The following CHST11 variants were observed in gnomAD, a reference collection of about 807,000 sequenced individuals.
CHST11 encodes the protein carbohydrate sulfotransferase 11.
Under a neutral mutation model 30.4 loss-of-function variants are expected in CHST11, and 9 were observed. That is an observed-to-expected ratio of 0.30 (90% confidence interval 0.18 to 0.52). The LOEUF (loss-of-function observed/expected upper bound fraction) is 0.52, where lower values mean the gene tolerates loss of function less well. Ranked by LOEUF, CHST11 falls within the 20% of genes least tolerant of loss-of-function variation. The pLI is 0.97. For missense variants in CHST11, 348 were observed against 460.6 expected (o/e 0.76, Z 2.24); for synonymous variants, 152 against 187.8 (o/e 0.81, Z 1.56).
At chr12:104,584,261 C>T (rs375059593) in intron 1 of CHST11, among the ~76,000 whole-genome samples, 7 of 136,788 alleles carry the variant, frequency 5.1e-5, no homozygotes, top group East Asian at 2.1e-4. Context: ...TCTCTTTCTT[C>T]TTTTTTTTTT....
At position 104,651,567 on chromosome 12, in the gene CHST11, G is replaced by A. The variant is rs558077219; in HGVS notation, c.204+49576G>A. On this transcript the variant is annotated intron_variant, in intron 2 of 2. Transcript: ENST00000303694. ...TTGCTCAGCCTCTCCTTGACCTGGGGGCCAGTCCTGCTTAGGATTCTCTGG... is the reference window on the plus strand; with the variant it reads ...TTGCTCAGCCTCTCCTTGACCTGGGAGCCAGTCCTGCTTAGGATTCTCTGG... Among the ~76,000 whole-genome samples the A allele has an allele frequency of 5.3e-5, 8 of 152,200 alleles. No homozygotes were observed. In the South Asian group the frequency reaches 1.5e-3, roughly 28 times the overall value.
intron 2 of CHST11, among the ~76,000 whole-genome samples, chr12:104,632,924 G>A (rs567383392): frequency 1.3e-5 from 2 of 152,388 alleles, no homozygotes; most frequent in Admixed American, 6.5e-5. Context: ...CCCTGGAGGG[G>A]GTGAGGGAAG....
intron 2 of CHST11, among the ~76,000 whole-genome samples, chr12:104,710,695 G>A (rs547263365): frequency 5.9e-5 from 9 of 152,270 alleles, no homozygotes; most frequent in South Asian, 2.1e-4. Context: ...ATGAGTAAAC[G>A]TGGCCCCTCA....
At chr12:104,668,416 C>T (rs946109658) in intron 2 of CHST11, among the ~76,000 whole-genome samples, 8 of 152,074 alleles carry the variant, frequency 5.3e-5, no homozygotes, top group African/African-American at 1.7e-4. Flanking sequence ...CCCGAGACAC[C>T]ATGACAACAC....
intron 1 of CHST11, among the ~76,000 whole-genome samples, chr12:104,524,039 CTTTTTTTTT>C (rs10594720): frequency 2.0e-4 from 25 of 128,048 alleles, no homozygotes; most frequent in African/African-American, 5.8e-4. Flanking sequence ...TTCTTTCTTT[CTTTTTTTTT>C]TTTTTTTTTG....
chr12:104,571,127 G>A (rs916818933), intron 1 of CHST11, among the ~76,000 whole-genome samples: 1 of 152,008 alleles, frequency 6.6e-6, no homozygotes, highest in Non-Finnish European at 1.5e-5. Flanking sequence ...TAGCTAGCAG[G>A]TGGTGGACTC....
At chr12:104,661,037 A>T (rs2039593615) in intron 2 of CHST11, among the ~76,000 whole-genome samples, 1 of 152,146 alleles carries the variant, frequency 6.6e-6, no homozygotes, top group Non-Finnish European at 1.5e-5. Context: ...GACTGCCATG[A>T]GCCTGGGAAG....
chr12:104,607,402 A>C (rs986284582), intron 2 of CHST11, among the ~76,000 whole-genome samples: 14 of 152,226 alleles, frequency 9.2e-5, no homozygotes, highest in African/African-American at 2.9e-4. Context: ...GGACACTTGT[A>C]GAATAAACAG....
intron 2 of CHST11, among the ~76,000 whole-genome samples, chr12:104,707,421 A>G (rs1370683068): frequency 6.6e-6 from 1 of 152,232 alleles, no homozygotes; most frequent in East Asian, 1.9e-4. Flanking sequence ...AAAATAGCGC[A>G]CACTACACAT....
At chr12:104,514,253 C>G in intron 1 of CHST11, 1 of 865,380 alleles carries the variant, frequency 1.2e-6, no homozygotes, top group Non-Finnish European at 2.0e-6. Flanking sequence ...TTGGGGCAGC[C>G]ACAGTTGGTG....
chr12:104,510,976 A>G (rs938910476), intron 1 of CHST11, among the ~76,000 whole-genome samples: 9 of 152,200 alleles, frequency 5.9e-5, no homozygotes, highest in Admixed American at 3.3e-4. Context: ...TTAAATATGT[A>G]TATTTTACTT....
intron 2 of CHST11, among the ~76,000 whole-genome samples, chr12:104,657,559 G>T (rs1462591296): frequency 6.6e-6 from 1 of 151,880 alleles, no homozygotes; most frequent in Non-Finnish European, 1.5e-5. Flanking sequence ...GGCCAGCCCC[G>T]CTCCCATGTT....
chr12:104,477,390 C>T (rs929352921), intron 1 of CHST11, among the ~76,000 whole-genome samples: 3 of 152,236 alleles, frequency 2.0e-5, no homozygotes, highest in South Asian at 2.1e-4. Flanking sequence ...CTCTGCAAAG[C>T]GTGGGCTGGC....
intron 1 of CHST11, among the ~76,000 whole-genome samples, chr12:104,559,075 G>C (rs1175452544): frequency 6.6e-6 from 1 of 151,794 alleles, no homozygotes; most frequent in African/African-American, 2.4e-5. Context: ...GGGAGGAGCT[G>C]TGGTTCCCCA....
intron 2 of CHST11, among the ~76,000 whole-genome samples, chr12:104,725,515 ATT>A (rs201640286): frequency 8.4e-5 from 12 of 143,612 alleles, no homozygotes; most frequent in East Asian, 4.0e-4. Context: ...AAAGCTGTTA[ATT>A]TTTTTTTTTT....
At chr12:104,697,653 A>C (rs1477019024) in intron 2 of CHST11, among the ~76,000 whole-genome samples, 5 of 152,176 alleles carry the variant, frequency 3.3e-5, no homozygotes, top group African/African-American at 1.2e-4. Context: ...CCTAACACAC[A>C]GATGTTTTGT....
intron 1 of CHST11, among the ~76,000 whole-genome samples, chr12:104,557,425 G>A (rs1404949474): frequency 6.6e-6 from 1 of 152,164 alleles, no homozygotes; most frequent in Non-Finnish European, 1.5e-5. Context: ...AGGAGCTGAA[G>A]TGGAGGTGTG....
At chr12:104,713,594 A>T (rs541071995) in intron 2 of CHST11, among the ~76,000 whole-genome samples, 74 of 152,150 alleles carry the variant, frequency 4.9e-4, no homozygotes, top group Non-Finnish European at 8.8e-4. Flanking sequence ...ACAGGAGCCG[A>T]TACCTGGCTC....
intron 1 of CHST11, among the ~76,000 whole-genome samples, chr12:104,548,555 G>A (rs1029594983): frequency 6.6e-6 from 1 of 152,160 alleles, no homozygotes; most frequent in Admixed American, 6.5e-5. Context: ...TCATGGTAAC[G>A]ACACTAACAA....
Sources: gnomAD v4.1 joint callset for allele counts (sites outside exome capture counted in the v4.1 genomes callset) on GRCh38, gnomAD v4.1.1 for gene constraint, MANE v1.5 for transcripts, NCBI Gene and HGNC (gene_info 2026-07-23, HGNC 2026-07-21) for gene names.